AGAP1: variants seen among roughly 807,000 people sequenced by gnomAD.
AGAP1 encodes arf-GAP with GTPase, ANK repeat and PH domain-containing protein 1.
In AGAP1, 29 loss-of-function variants were observed where a neutral mutation model predicts 105.3. The observed-to-expected ratio is 0.28, with a 90% CI of 0.21 to 0.38. The LOEUF is 0.38. Ranked by LOEUF, AGAP1 falls within the 10% of genes least tolerant of loss-of-function variation. The pLI, the probability that AGAP1 is intolerant of heterozygous loss-of-function variation, is 1.00. For missense variants in AGAP1, 998 were observed against 1,165.1 expected (o/e 0.86, Z 2.09); for synonymous variants, 509 against 485.9 (o/e 1.05, Z -0.63).
At position 235,875,192 on chromosome 2, in the gene AGAP1, C is replaced by T. The variant is rs1417406501; in HGVS notation, c.1051-8153C>T. ...TTTTCAACCTTACTGGTCCATGGCCCTGTCCTGTTTCTGTATCTGCCAACC... is the reference window on the plus strand; with the variant it reads ...TTTTCAACCTTACTGGTCCATGGCCTTGTCCTGTTTCTGTATCTGCCAACC... On this transcript the variant is annotated intron_variant, in intron 9 of 17. Coordinates refer to ENST00000304032, the MANE Select transcript of AGAP1 (RefSeq NM_001037131.3). The surrounding 1 kb of genome is among the most constrained non-coding windows in gnomAD (Gnocchi z 4.0). Among the ~76,000 whole-genome samples the T allele has an allele frequency of 6.6e-6, 1 of 152,208 alleles. No homozygotes were observed. Among genetic ancestry groups the T allele is most frequent in the African/African-American group, 2.4e-5 (1 of 41,430 alleles).
chr2:235,987,508 T>A (rs1334772687), intron 13 of AGAP1, among the ~76,000 whole-genome samples: 1 of 18,852 alleles, frequency 5.3e-5, no homozygotes, highest in African/African-American at 1.9e-3. Flanking sequence ...ATTCATTGAT[T>A]TTTTTTTTTT....
chr2:235,966,186 G>A (rs1373050937), intron 12 of AGAP1, among the ~76,000 whole-genome samples: 1 of 147,496 alleles, frequency 6.8e-6, no homozygotes, highest in African/African-American at 2.5e-5. Context: ...GGAGAGGGGA[G>A]TCTGTTCCTC....
At position 235,855,184 on chromosome 2, in the gene AGAP1, C is replaced by T. The variant is rs562402746; in HGVS notation, c.1051-28161C>T. Among the ~76,000 whole-genome samples the T allele has an allele frequency of 9.2e-5, 14 of 152,316 alleles. No individual in the cohort carries two copies. The highest frequency in any genetic ancestry group is 3.1e-4 in the African/African-American group (13 of 41,570). On this transcript the variant is annotated intron_variant, in intron 9 of 17. Transcript: ENST00000304032. The surrounding 1 kb of genome is among the most constrained non-coding windows in gnomAD (Gnocchi z 5.0). The stretch of plus-strand genomic sequence containing the variant: ...CCTCATCAGGCCCCAGGTGGAAAAT[C>T]GGCGTGGTGACGCATGTGCTGCCAT...
At position 235,799,347 on chromosome 2, in the gene AGAP1, T is replaced by A. The variant is rs1188253749; in HGVS notation, c.802-20T>A. On this transcript the variant is annotated intron_variant, in intron 7 of 17. Coordinates refer to ENST00000304032, the MANE Select transcript of AGAP1 (RefSeq NM_001037131.3). This position sits in a 1 kb window ranked among gnomAD's most constrained non-coding sequence, Gnocchi z 5.0. ...TCCTGAGTATGTCGTTAATGAAACC[T>A]TGGATTTTAATCATTTCAGACAAGT... The A allele has an allele frequency of 1.2e-6, 2 of 1,611,544 alleles. No homozygotes were observed. Among genetic ancestry groups the A allele is most frequent in the Non-Finnish European group, 1.7e-6 (2 of 1,178,380 alleles).
Position 235,494,863 on chromosome 2 carries a change from C to T in AGAP1, c.163+14C>T, listed in dbSNP as rs758157394. On this transcript the variant is annotated intron_variant, in intron 1 of 17. Coordinates refer to ENST00000304032, the MANE Select transcript of AGAP1 (RefSeq NM_001037131.3). ...TCGCCATCGAAGGTGAGGGCCGGGC[C>T]GCCTTGGGGCCTCGGGAAGGCACGG... 2 of 1,557,244 alleles carry T rather than the reference C, an allele frequency of 1.3e-6. No homozygotes were observed. Among genetic ancestry groups the T allele is most frequent in the Admixed American group, 1.9e-5 (1 of 53,962 alleles).
Position 235,915,591 on chromosome 2 carries a change from T to C in AGAP1, c.1324+6685T>C, listed in dbSNP as rs536071909. Reference sequence around the variant, plus strand: ...GGGGAGACTGAGGTGGGAGAATAGCTTGAGCCCAAGAGGTCAAGGCTGCAG... The same window carrying C: ...GGGGAGACTGAGGTGGGAGAATAGCCTGAGCCCAAGAGGTCAAGGCTGCAG... On this transcript the variant is annotated intron_variant, in intron 11 of 17. Coordinates refer to ENST00000304032, the MANE Select transcript of AGAP1 (RefSeq NM_001037131.3). Among the ~76,000 whole-genome samples, 12 of 152,228 alleles carry C rather than the reference T, an allele frequency of 7.9e-5. No homozygotes were observed. The South Asian group carries it at 2.1e-3, about 26-fold the overall frequency.
At chr2:235,800,717 C>A (rs1424804306) in intron 8 of AGAP1, among the ~76,000 whole-genome samples, 2 of 152,204 alleles carry the variant, frequency 1.3e-5, no homozygotes, top group African/African-American at 4.8e-5. Context: ...ACTTTGGGCT[C>A]TCACAACAGG....
At chr2:235,542,073 T>A (rs774973110) in intron 1 of AGAP1, among the ~76,000 whole-genome samples, 8 of 152,260 alleles carry the variant, frequency 5.3e-5, no homozygotes, top group Non-Finnish European at 1.0e-4. Flanking sequence ...TGTTCCAGGA[T>A]GGAAGTTGTT....
At chr2:235,840,058 G>A (rs555916693) in intron 9 of AGAP1, among the ~76,000 whole-genome samples, 22 of 152,320 alleles carry the variant, frequency 1.4e-4, no homozygotes, top group African/African-American at 4.6e-4. Context: ...AACCCTTGAT[G>A]GGAATGTTTG....
chr2:235,536,406 TACACACAC>T (rs71300670), intron 1 of AGAP1, among the ~76,000 whole-genome samples: 1 of 3,952 alleles, frequency 2.5e-4, no homozygotes, highest in Non-Finnish European at 3.5e-4. Flanking sequence ...TGTGGCATCC[TACACACAC>T]ACACACACAC....
intron 12 of AGAP1, among the ~76,000 whole-genome samples, chr2:235,955,174 G>A (rs1029915381): frequency 2.0e-5 from 3 of 152,160 alleles, no homozygotes; most frequent in Non-Finnish European, 4.4e-5. Context: ...CTAGGCTGGG[G>A]CTGGAGCTGC....
rs1002894002 is a variant in AGAP1 at position 235,752,083 on chromosome 2, C to T, written c.673+1595C>T. ...GGAGCAAGGTCACTGTCGGCCGCTG[C>T]GCTGCCGAGGCCCCTGTGAATGTTG... On this transcript the variant is annotated intron_variant, in intron 6 of 17. Transcript: ENST00000304032. The surrounding 1 kb of genome is among the most constrained non-coding windows in gnomAD (Gnocchi z 4.3). Among the ~76,000 whole-genome samples the T allele has an allele frequency of 1.3e-5, 2 of 152,216 alleles. No homozygotes were observed. The highest frequency in any genetic ancestry group is 6.5e-5 in the Admixed American group (1 of 15,288).
Position 235,660,613 on chromosome 2 carries a change from C to T in AGAP1, c.164-48566C>T, listed in dbSNP as rs1947916348. Among the ~76,000 whole-genome samples, 2 of 152,016 alleles carry T rather than the reference C, an allele frequency of 1.3e-5. No individual in the cohort carries two copies. The highest frequency in any genetic ancestry group is 1.3e-4 in the Admixed American group (2 of 15,248). ...CTTGGGGACTCCTGAGTCCAGCTCC[C>T]AGTGATGTGTAGAGTTGAGCTCCAT... On this transcript the variant is annotated intron_variant, in intron 1 of 17. Coordinates refer to ENST00000304032, the MANE Select transcript of AGAP1 (RefSeq NM_001037131.3). This position sits in a 1 kb window ranked among gnomAD's most constrained non-coding sequence, Gnocchi z 5.3.
At position 236,053,621 on chromosome 2, in the gene AGAP1, T is replaced by A. The variant is rs1188200687; in HGVS notation, c.2114+4340T>A. Among the ~76,000 whole-genome samples, 1 of 152,268 alleles carries A rather than the reference T, an allele frequency of 6.6e-6. No individual in the cohort carries two copies. The highest frequency in any genetic ancestry group is 1.5e-5 in the Non-Finnish European group (1 of 68,042). On this transcript the variant is annotated intron_variant, in intron 16 of 17. Coordinates refer to ENST00000304032, the MANE Select transcript of AGAP1 (RefSeq NM_001037131.3). The surrounding 1 kb of genome is among the most constrained non-coding windows in gnomAD (Gnocchi z 4.6). ...GCAGAAGCCTCGCTCTGCGTGGCAC[T>A]GCATCTCCCCATCTTTGTGTCCTGG...
Position 235,569,409 on chromosome 2 carries a change from C to T in AGAP1, c.163+74560C>T, listed in dbSNP as rs1397442908. ...GTATGTTATCCTTGAATCTTCCTAGCAGCCTTCCAAAGTAGGCTTCGGGAT... is the reference window on the plus strand; with the variant it reads ...GTATGTTATCCTTGAATCTTCCTAGTAGCCTTCCAAAGTAGGCTTCGGGAT... On this transcript the variant is annotated intron_variant, in intron 1 of 17. Transcript: ENST00000304032. This position sits in a 1 kb window ranked among gnomAD's most constrained non-coding sequence, Gnocchi z 5.9. Among the ~76,000 whole-genome samples the T allele has an allele frequency of 1.3e-5, 2 of 152,200 alleles. No individual in the cohort carries two copies. The highest frequency in any genetic ancestry group is 2.9e-5 in the Non-Finnish European group (2 of 68,040).
intron 9 of AGAP1, among the ~76,000 whole-genome samples, chr2:235,807,664 C>G (rs144967300): frequency 6.6e-5 from 10 of 152,308 alleles, no homozygotes; most frequent in African/African-American, 2.4e-4. Flanking sequence ...TAACTCAGAT[C>G]GCCTACAAGA....
Position 235,973,979 on chromosome 2 carries a change from G to A in AGAP1, c.1645+5356G>A, listed in dbSNP as rs2054758557. 6.6e-6 allele frequency among the ~76,000 whole-genome samples: 1 copy of A among 152,096 alleles called. No homozygotes were observed. The highest frequency in any genetic ancestry group is 2.4e-5 in the African/African-American group (1 of 41,398). On this transcript the variant is annotated intron_variant, in intron 13 of 17. Coordinates refer to ENST00000304032, the MANE Select transcript of AGAP1 (RefSeq NM_001037131.3). The surrounding 1 kb of genome is among the most constrained non-coding windows in gnomAD (Gnocchi z 4.7). ...TGTCTTTGAATTACAGTACTTTCTGGGCATCTTCATATCTCGGGTCCAGTA... is the reference window on the plus strand; with the variant it reads ...TGTCTTTGAATTACAGTACTTTCTGAGCATCTTCATATCTCGGGTCCAGTA...
chr2:235,849,981 C>T (rs1214101182), intron 9 of AGAP1, among the ~76,000 whole-genome samples: 5 of 152,230 alleles, frequency 3.3e-5, no homozygotes, highest in African/African-American at 1.2e-4. Context: ...TAGCCTCTTC[C>T]TCTTCCATGG....
chr2:235,944,829 C>T (rs940310669), intron 12 of AGAP1, among the ~76,000 whole-genome samples: 2 of 152,122 alleles, frequency 1.3e-5, no homozygotes, highest in East Asian at 1.9e-4. Flanking sequence ...TGTGAGGCTG[C>T]GGCATCGATT....
Sources: gnomAD v4.1 joint callset for allele counts (sites outside exome capture counted in the v4.1 genomes callset) on GRCh38, gnomAD v4.1.1 for gene constraint, Gnocchi (gnomAD v3.1) non-coding constraint, MANE v1.5 for transcripts, NCBI Gene and HGNC (gene_info 2026-07-23, HGNC 2026-07-21) for gene names.